APOO: variants seen among roughly 807,000 people sequenced by gnomAD.
APOO encodes the protein apolipoprotein O, also known as MICOS complex subunit MIC26.
APOO carries 11 observed loss-of-function variants against 23.1 expected under a neutral mutation model. The ratio of observed to expected loss-of-function variants is 0.48; its 90% CI spans 0.30 to 0.79. The LOEUF (loss-of-function observed/expected upper bound fraction) is 0.79, where lower values mean the gene tolerates loss of function less well. APOO is among the 30% of genes least tolerant of loss of function. APOO has a pLI of 0.07. For synonymous variants in APOO, 59 were observed against 54.8 expected (o/e 1.08, Z -0.34); for missense variants, 160 against 142.7 (o/e 1.12, Z -0.62).
At chrX:23,874,068 C>T (rs1057376110) in intron 4 of APOO, among the ~76,000 whole-genome samples, 2 of 112,335 alleles carry the variant, frequency 1.8e-5, no homozygotes, top group Non-Finnish European at 3.8e-5. Flanking sequence ...TGCAAATGAG[C>T]TATTCCGATT....
chrX:23,869,718 G>A (rs1202856591), intron 4 of APOO, among the ~76,000 whole-genome samples: 3 of 106,380 alleles, frequency 2.8e-5, no homozygotes, highest in Admixed American at 1.0e-4. Flanking sequence ...TTGGGAGGCC[G>A]AGGAGGGCGG....
At chrX:23,881,782 C>CAA (rs10713629) in intron 1 of APOO, among the ~76,000 whole-genome samples, 9 of 81,519 alleles carry the variant, frequency 1.1e-4, no homozygotes, top group African/African-American at 3.4e-4. Context: ...ACTAAAATTA[C>CAA]AAAAAAAAAA....
chrX:23,876,731 G>T (rs762742042), intron 3 of APOO, among the ~76,000 whole-genome samples: 54 of 111,486 alleles, frequency 4.8e-4, no homozygotes, highest in African/African-American at 1.4e-3. Flanking sequence ...CCCGGGAGGC[G>T]GAGGTTGCAG....
intron 3 of APOO, among the ~76,000 whole-genome samples, chrX:23,877,096 T>C (rs1368295681): frequency 9.0e-6 from 1 of 111,185 alleles, no homozygotes; most frequent in African/African-American, 3.3e-5. Context: ...AAAAGCAACC[T>C]TAGGCTAAAA....
At chrX:23,842,097 A>G in intron 7 of APOO, among the ~76,000 whole-genome samples, 1 of 111,698 alleles carries the variant, frequency 9.0e-6, no homozygotes, top group East Asian at 2.8e-4. Flanking sequence ...TGTTGCATAA[A>G]CAAATGGAAA....
intron 5 of APOO, among the ~76,000 whole-genome samples, chrX:23,866,353 G>C (rs1175971951): frequency 8.9e-6 from 1 of 112,245 alleles, no homozygotes; most frequent in African/African-American, 3.2e-5. Flanking sequence ...AAATAAGCTG[G>C]AAATTTAATT....
At chrX:23,834,614 T>C (rs1270832090) in intron 8 of APOO, among the ~76,000 whole-genome samples, 1 of 110,945 alleles carries the variant, frequency 9.0e-6, no homozygotes, top group Non-Finnish European at 1.9e-5. Flanking sequence ...CACCCTCAGT[T>C]TGATGTGTAA....
rs952212265 is a variant in APOO at position 23,879,128 on chromosome X, T to C, written c.118-94A>G. 3.5e-5 allele frequency: 35 copies of C among 1,004,218 alleles called. 1 individual carries two copies. The highest frequency in any genetic ancestry group is 4.5e-5 in the Non-Finnish European group (34 of 757,530). The allele number at this position is 1,004,218 out of a possible 1,213,427, so 82.8% of individuals were successfully genotyped here. On this transcript the variant is annotated intron_variant, in intron 2 of 8. Coordinates refer to ENST00000379226, the MANE Select transcript of APOO (RefSeq NM_024122.5). Reference sequence around the variant, plus strand: ...TAAGTATTTAATATAATATTTCTAGTAATTCATGAATTACAGTGACTCTGT... The same window carrying C: ...TAAGTATTTAATATAATATTTCTAGCAATTCATGAATTACAGTGACTCTGT...
intron 1 of APOO, among the ~76,000 whole-genome samples, chrX:23,882,649 CT>C (rs1318433652): frequency 4.3e-3 from 428 of 99,861 alleles, no homozygotes; most frequent in Middle Eastern, 0.015. Context: ...AATGGACAAA[CT>C]TTTTTTTTTT....
chrX:23,837,452 A>G, intron 8 of APOO: 1 of 437,326 alleles, frequency 2.3e-6, no homozygotes, highest in Non-Finnish European at 3.9e-6. Flanking sequence ...TAAACCCAGG[A>G]GTTGAAGTCC....
intron 1 of APOO, among the ~76,000 whole-genome samples, chrX:23,888,368 A>G (rs770563819): frequency 1.8e-5 from 2 of 111,898 alleles, no homozygotes; most frequent in African/African-American, 6.5e-5. Context: ...TATATATAAC[A>G]ATTAGAAGAG....
intron 7 of APOO, among the ~76,000 whole-genome samples, chrX:23,843,579 C>CTTTTTTTTTTTTTTTTTTTTTTTTTTTTT: frequency 1.6e-5 from 1 of 61,739 alleles, no homozygotes; most frequent in Non-Finnish European, 2.9e-5. Context: ...ATGACAATTT[C>CTTTTTTTTTTTTTTTTTTTTTTTTTTTTT]TTTTTTTTTT....
chrX:23,883,973 T>A (rs1392892464), intron 1 of APOO: 1 of 111,843 alleles, frequency 8.9e-6, no homozygotes, highest in Admixed American at 9.5e-5. Flanking sequence ...AAAACAAGTA[T>A]AGGACATTAT....
intron 1 of APOO, among the ~76,000 whole-genome samples, chrX:23,905,364 C>T (rs778804665): frequency 2.7e-4 from 30 of 109,418 alleles, no homozygotes; most frequent in Non-Finnish European, 4.6e-4. Flanking sequence ...CACTCCAGCC[C>T]GGACAACAGG....
intron 1 of APOO, among the ~76,000 whole-genome samples, chrX:23,900,674 C>CAAAA (rs967658475): frequency 2.0e-4 from 5 of 24,742 alleles, no homozygotes; most frequent in Admixed American, 4.5e-4. Flanking sequence ...GACTCCGGCT[C>CAAAA]AAAAAAAAAA....
chrX:23,869,103 T>C (rs990944647), intron 4 of APOO, among the ~76,000 whole-genome samples: 2 of 109,351 alleles, frequency 1.8e-5, no homozygotes, highest in African/African-American at 6.7e-5. Context: ...GAGATGGGGT[T>C]TCACCATGTT....
rs538633703 is a variant in APOO at position 23,886,677 on chromosome X, A to C, written c.10-5725T>G. 4.5e-5 allele frequency among the ~76,000 whole-genome samples: 5 copies of C among 110,955 alleles called. No homozygotes were observed. In the Middle Eastern group the frequency reaches 0.023, roughly 511 times the overall value. On this transcript the variant is annotated intron_variant, in intron 1 of 8. Transcript: ENST00000379226. Reference sequence around the variant, plus strand: ...ATGCACTCAACATCTTGGCTGATTCATCTTCCTTTTTAGCTTCAAAGGGGG... The same window carrying C: ...ATGCACTCAACATCTTGGCTGATTCCTCTTCCTTTTTAGCTTCAAAGGGGG...
intron 7 of APOO, among the ~76,000 whole-genome samples, chrX:23,843,900 C>A (rs1042419081): frequency 1.8e-5 from 2 of 111,977 alleles, no homozygotes; most frequent in Admixed American, 1.9e-4. Context: ...ACAATTTCTG[C>A]TAGCAAAACC....
intron 1 of APOO, among the ~76,000 whole-genome samples, chrX:23,890,172 A>G (rs1926591211): frequency 8.9e-6 from 1 of 112,175 alleles, no homozygotes. Context: ...GTATAAAATG[A>G]AAACTGTCCT....
Sources: allele counts gnomAD v4.1 joint callset (sites outside exome capture counted in the v4.1 genomes callset), GRCh38; gene constraint gnomAD v4.1.1; transcripts MANE v1.5; gene names NCBI Gene and HGNC (gene_info 2026-07-23, HGNC 2026-07-21).